HAPSTR1: variants seen among roughly 807,000 people sequenced by gnomAD.
HAPSTR1 encodes the protein HUWE1-associated protein modifying stress responses 1.
chr16:9,118,920 G>A, the HAPSTR1 span: 2 of 152,542 alleles, frequency 1.3e-5, no homozygotes. Context: ...TTTTGTTTAA[G>A]TTGGTGCTCT....
At chr16:9,111,296 A>G in the HAPSTR1 span, 1 of 152,240 alleles carries the variant, frequency 6.6e-6, no homozygotes, top group Non-Finnish European at 1.5e-5. Context: ...AAATGTGTCT[A>G]AAGACCTTTT....
the HAPSTR1 span, among the ~76,000 whole-genome samples, chr16:9,115,578 G>A: frequency 6.6e-6 from 1 of 152,294 alleles, no homozygotes; most frequent in East Asian, 1.9e-4. Flanking sequence ...TTTAAGGAAA[G>A]GAATAAGTAT....
the HAPSTR1 span, chr16:9,106,148 C>G: frequency 6.6e-6 from 1 of 152,188 alleles, no homozygotes; most frequent in South Asian, 2.1e-4. Context: ...GTGGCTCACA[C>G]CTATAATGCC....
the HAPSTR1 span, among the ~76,000 whole-genome samples, chr16:9,100,137 A>G: frequency 6.6e-6 from 1 of 152,214 alleles, no homozygotes; most frequent in Non-Finnish European, 1.5e-5. Flanking sequence ...TGTTTGCAAA[A>G]TGCATGACTT....
chr16:9,092,654 A>T, the HAPSTR1 span, among the ~76,000 whole-genome samples: 10 of 127,766 alleles, frequency 7.8e-5, no homozygotes, highest in African/African-American at 2.3e-4. Context: ...GGGGACTGCC[A>T]GGGGGGGCGC....
At chr16:9,111,691 C>G in the HAPSTR1 span, 1 of 152,048 alleles carries the variant, frequency 6.6e-6, no homozygotes, top group Non-Finnish European at 1.5e-5. Flanking sequence ...CTTGTTTAAG[C>G]AGTTTTGATA....
chr16:9,103,607 G>A, the HAPSTR1 span: 1 of 202,194 alleles, frequency 4.9e-6, no homozygotes, highest in African/African-American at 2.4e-5. Flanking sequence ...TAAGAATTCT[G>A]TTATATTTCT....
At chr16:9,120,268 C>G in the HAPSTR1 span, 1 of 152,132 alleles carries the variant, frequency 6.6e-6, no homozygotes, top group Non-Finnish European at 1.5e-5. Context: ...TACCTGCTAC[C>G]CCTTCTGGAA....
the HAPSTR1 span, chr16:9,102,906 G>A: frequency 2.4e-5 from 35 of 1,464,008 alleles, no homozygotes; most frequent in Non-Finnish European, 3.1e-5. Flanking sequence ...TGGTTAAATT[G>A]TAAAATGGTT....
At chr16:9,100,690 A>G in the HAPSTR1 span, among the ~76,000 whole-genome samples, 2 of 152,014 alleles carry the variant, frequency 1.3e-5, no homozygotes, top group African/African-American at 4.8e-5. Flanking sequence ...CCTACCACCC[A>G]TGCCTGGCTA....
At chr16:9,098,906 T>G in the HAPSTR1 span, among the ~76,000 whole-genome samples, 2 of 152,208 alleles carry the variant, frequency 1.3e-5, no homozygotes, top group Non-Finnish European at 2.9e-5. Flanking sequence ...CTTCAGTTCC[T>G]TGTTACAAAC....
chr16:9,098,600 A>C, the HAPSTR1 span, among the ~76,000 whole-genome samples: 6 of 152,118 alleles, frequency 3.9e-5, no homozygotes, highest in Non-Finnish European at 8.8e-5. Context: ...TTCTCTTGAG[A>C]TCTTGAGGCT....
the HAPSTR1 span, chr16:9,103,137 C>A: frequency 1.3e-4 from 216 of 1,614,106 alleles, no homozygotes; most frequent in Non-Finnish European, 1.8e-4. Context: ...GTTCCTCCAC[C>A]ACGAAACTCT....
chr16:9,113,483 A>T, the HAPSTR1 span, among the ~76,000 whole-genome samples: 1 of 152,154 alleles, frequency 6.6e-6, no homozygotes, highest in Non-Finnish European at 1.5e-5. Context: ...TCCACTTCTG[A>T]TACAGTGTTT....
At chr16:9,100,904 T>G in the HAPSTR1 span, among the ~76,000 whole-genome samples, 1 of 152,178 alleles carries the variant, frequency 6.6e-6, no homozygotes, top group Non-Finnish European at 1.5e-5. Flanking sequence ...GCTTTAGACT[T>G]TTTTTCCTCT....
chr16:9,121,519 G>A, the HAPSTR1 span: 347 of 152,262 alleles, frequency 2.3e-3, 1 homozygote, highest in African/African-American at 8.1e-3. Context: ...TATCACGTGG[G>A]TTTGAATGCT....
At chr16:9,100,893 T>G in the HAPSTR1 span, among the ~76,000 whole-genome samples, 1 of 152,218 alleles carries the variant, frequency 6.6e-6, no homozygotes. Flanking sequence ...CCTTTTACTA[T>G]GCTTTAGACT....
chr16:9,108,458 A>T, the HAPSTR1 span: 1 of 152,158 alleles, frequency 6.6e-6, no homozygotes, highest in African/African-American at 2.4e-5. Context: ...AGTGTTGGGA[A>T]TACTGGCATG....
At chr16:9,092,891 G>GGTTTTTTTTTTTTTTT in the HAPSTR1 span, 6 of 1,499,758 alleles carry the variant, frequency 4.0e-6, no homozygotes, top group South Asian at 2.4e-5. Flanking sequence ...TTTTCTTTTT[G>GGTTTTTTTTTTTTTTT]GTTTTTTTTT....
Sources: gnomAD v4.1 joint callset for allele counts (sites outside exome capture counted in the v4.1 genomes callset) on GRCh38, gnomAD v4.1.1 for gene constraint, MANE v1.5 for transcripts, NCBI Gene and HGNC (gene_info 2026-07-23, HGNC 2026-07-21) for gene names.